The following ANTXR2 variants were observed in gnomAD, a reference collection of about 807,000 sequenced individuals.
ANTXR2 encodes the protein anthrax toxin receptor 2.
A neutral mutation model predicts 73.7 loss-of-function variants in ANTXR2; 44 were observed. The ratio of observed to expected loss-of-function variants is 0.60; its 90% confidence interval spans 0.47 to 0.77. The LOEUF (loss-of-function observed/expected upper bound fraction) is 0.77, where lower values mean the gene tolerates loss of function less well. Among genes scored for constraint, ANTXR2 ranks in the 30% least tolerant of loss-of-function variants. The probability of loss-of-function intolerance (pLI) is 0.00; values close to 1 mark genes in which losing one functional copy is unlikely to be tolerated. For missense variants in ANTXR2, 604 were observed against 592.5 expected (o/e 1.02, Z -0.20); for synonymous variants, 217 against 205.9 (o/e 1.05, Z -0.46).
At chr4:80,014,223 G>T (rs996984165) in intron 11 of ANTXR2, among the ~76,000 whole-genome samples, 1 of 151,896 alleles carries the variant, frequency 6.6e-6, no homozygotes, top group Non-Finnish European at 1.5e-5. Context: ...AGTCAAATTG[G>T]ATTTCTTCTA....
Position 80,069,501 on chromosome 4 carries a change from T to C in ANTXR2, c.231A>G (p.Glu77=). The change falls in exon 3 of 17, where the codon GAA becomes GAG. Residue 77 remains glutamate (E), a synonymous_variant. Transcript: ENST00000403729. ...AAAACACAATGAAAGATAATCTCAT[T>C]TCAGGGCTGCAAAATAAGAAAAGAG... ...QQLAERFVSP[E]MRLSFIVFSS... is the part of the protein sequence containing the mutation. 1 of 1,599,244 alleles carries C rather than the reference T, an allele frequency of 6.3e-7. No homozygotes were observed. The highest frequency in any genetic ancestry group is 8.5e-7 in the Non-Finnish European group (1 of 1,170,954).
At chr4:80,027,874 C>G (rs1186398696) in intron 10 of ANTXR2, among the ~76,000 whole-genome samples, 1 of 152,102 alleles carries the variant, frequency 6.6e-6, no homozygotes, top group Non-Finnish European at 1.5e-5. Context: ...AATACTTGCA[C>G]ATTAAACTGT....
chr4:80,003,087 G>GCTATAAA (rs1560972304), intron 12 of ANTXR2, among the ~76,000 whole-genome samples: 14 of 151,688 alleles, frequency 9.2e-5, no homozygotes, highest in Non-Finnish European at 1.9e-4. Context: ...CTATAAATCA[G>GCTATAAA]GCTGCTATAA....
At chr4:79,962,496 G>A (rs1374196485) in intron 16 of ANTXR2, among the ~76,000 whole-genome samples, 1 of 152,108 alleles carries the variant, frequency 6.6e-6, no homozygotes, top group Admixed American at 6.5e-5. Flanking sequence ...ATAAAGAGCG[G>A]AAAAGACTAG....
In ANTXR2 at chr4:79,907,401, G is replaced by A. The variant is rs61048419; in HGVS notation, c.*28C>T. 130,428 of 1,605,738 alleles carry A rather than the reference G, an allele frequency of 0.081. 8,101 individuals are homozygous for A. Among genetic ancestry groups the A allele is most frequent in the African/African-American group, 0.33 (24,634 of 74,374 alleles). On this transcript the variant is annotated 3_prime_UTR_variant, in exon 17 of 17. Coordinates refer to ENST00000403729, the MANE Select transcript of ANTXR2 (RefSeq NM_058172.6). Reference sequence around the variant, plus strand: ...AGCTATGTGAAAATGTGCCATCTTCGTACCTTCTTGGTCTTCCTGCTTCCC... The same window carrying A: ...AGCTATGTGAAAATGTGCCATCTTCATACCTTCTTGGTCTTCCTGCTTCCC...
chr4:79,955,719 G>A (rs990827454), intron 16 of ANTXR2, among the ~76,000 whole-genome samples: 144 of 152,206 alleles, frequency 9.5e-4, no homozygotes, highest in Middle Eastern at 3.4e-3. Context: ...ATACACAAAT[G>A]AGAAGACCGA....
intron 6 of ANTXR2, 131 bp downstream of exon 6, chr4:80,055,019 A>G: frequency 3.8e-6 from 3 of 790,456 alleles, no homozygotes; most frequent in Non-Finnish European, 6.0e-6. Flanking sequence ...CTCAAAACCT[A>G]CAGCCATTTC....
intron 7 of ANTXR2, among the ~76,000 whole-genome samples, chr4:80,036,716 G>A (rs1403526594): frequency 1.3e-5 from 2 of 151,974 alleles, no homozygotes; most frequent in Non-Finnish European, 2.9e-5. Flanking sequence ...CAGGAGAATC[G>A]CTTTAACACA....
Position 79,907,359 on chromosome 4 carries a change from T to C in ANTXR2, c.*70A>G. On this transcript the variant is annotated 3_prime_UTR_variant, in exon 17 of 17. Coordinates refer to ENST00000403729, the MANE Select transcript of ANTXR2 (RefSeq NM_058172.6). Reference sequence around the variant, plus strand: ...GCTTCTGAAATGCACTTGATTTTTTTCATTTGGTTGAAAATCAGCTATGTG... The same window carrying C: ...GCTTCTGAAATGCACTTGATTTTTTCCATTTGGTTGAAAATCAGCTATGTG... The C allele has an allele frequency of 6.6e-7, 1 of 1,519,108 alleles. No individual in the cohort carries two copies. 94.1% of individuals were successfully genotyped at this position (1,519,108 alleles called of 1,614,324 possible).
At chr4:79,928,388 G>A (rs965997809) in intron 16 of ANTXR2, among the ~76,000 whole-genome samples, 3 of 152,146 alleles carry the variant, frequency 2.0e-5, no homozygotes, top group African/African-American at 4.8e-5. Flanking sequence ...TTAATGGGTA[G>A]GGAGTTTCAG....
intron 14 of ANTXR2, among the ~76,000 whole-genome samples, chr4:79,980,264 A>G (rs1363708078): frequency 3.9e-5 from 6 of 152,194 alleles, no homozygotes; most frequent in African/African-American, 1.2e-4. Flanking sequence ...AAACACCACC[A>G]CAAACAATTC....
At chr4:80,030,164 G>A (rs1188510082) in intron 10 of ANTXR2, among the ~76,000 whole-genome samples, 1 of 151,984 alleles carries the variant, frequency 6.6e-6, no homozygotes, top group Non-Finnish European at 1.5e-5. Flanking sequence ...GATAAATTTT[G>A]AAATTAGAGC....
chr4:80,019,933 C>T (rs144350611), intron 10 of ANTXR2, among the ~76,000 whole-genome samples: 65 of 151,910 alleles, frequency 4.3e-4, no homozygotes, highest in Middle Eastern at 3.4e-3. Context: ...TTGGGATTAG[C>T]CTAGAGTTAG....
At chr4:80,015,889 AG>A (rs1731822759) in intron 11 of ANTXR2, among the ~76,000 whole-genome samples, 2 of 76,946 alleles carry the variant, frequency 2.6e-5, no homozygotes, top group African/African-American at 1.2e-4. Flanking sequence ...AGGAAAGGAA[AG>A]GAAAGGAAAG....
At chr4:80,013,813 G>A (rs1157820909) in intron 11 of ANTXR2, among the ~76,000 whole-genome samples, 1 of 150,168 alleles carries the variant, frequency 6.7e-6, no homozygotes, top group Non-Finnish European at 1.5e-5. Context: ...ACAGGAATTT[G>A]AGGTTAAATA....
chr4:80,069,800 C>T (rs1465015056), intron 2 of ANTXR2, among the ~76,000 whole-genome samples: 1 of 152,184 alleles, frequency 6.6e-6, no homozygotes, highest in Admixed American at 6.5e-5. Context: ...AAAATTCTTT[C>T]GTAGAAAATT....
In ANTXR2 at chr4:79,904,725, T is replaced by C. The variant is rs969425354; in HGVS notation, c.*2704A>G. 6.6e-6 allele frequency: 1 copy of C among 152,192 alleles called. No individual in the cohort carries two copies. The highest frequency in any genetic ancestry group is 1.5e-5 in the Non-Finnish European group (1 of 68,032). 9.4% of individuals were successfully genotyped at this position (152,192 alleles called of 1,614,324 possible). On this transcript the variant is annotated 3_prime_UTR_variant, in exon 17 of 17. Transcript: ENST00000403729. ...AACCTTATGCAACACGAATGGATTA[T>C]GTGCAAGACTTATTCATTTTTACAC...
At chr4:79,951,591 C>A (rs58785864) in intron 16 of ANTXR2, among the ~76,000 whole-genome samples, 118 of 148,932 alleles carry the variant, frequency 7.9e-4, no homozygotes, top group Middle Eastern at 3.5e-3. Context: ...ACAACAACAA[C>A]AAAAAAAAAA....
intron 3 of ANTXR2, among the ~76,000 whole-genome samples, chr4:80,068,639 G>T (rs1158068245): frequency 6.6e-6 from 1 of 152,082 alleles, no homozygotes; most frequent in Non-Finnish European, 1.5e-5. Context: ...AGGTGTGGTG[G>T]CATGTGCCTA....
Sources: allele counts gnomAD v4.1 joint callset (sites outside exome capture counted in the v4.1 genomes callset), GRCh38; gene constraint gnomAD v4.1.1; transcripts MANE v1.5; gene names NCBI Gene and HGNC (gene_info 2026-07-23, HGNC 2026-07-21).